Variants in HIVEP3 observed in about 807,000 individuals in gnomAD.
HIVEP3 encodes the protein HIVEP zinc finger 3, also known as transcription factor HIVEP3.
HIVEP3 carries 49 observed loss-of-function variants against 152.8 expected under a neutral mutation model. That is an observed-to-expected ratio of 0.32 (90% confidence interval 0.26 to 0.41). HIVEP3 has a LOEUF of 0.41. Among genes scored for constraint, HIVEP3 ranks in the 10% least tolerant of loss-of-function variants. HIVEP3 has a pLI of 1.00. For missense variants in HIVEP3, 2,790 were observed against 3,103.3 expected (o/e 0.90, Z 2.40); for synonymous variants, 1,269 against 1,289.0 (o/e 0.98, Z 0.33).
At chr1:41,633,192 C>T (rs1320014522) in intron 2 of HIVEP3, among the ~76,000 whole-genome samples, 1 of 152,140 alleles carries the variant, frequency 6.6e-6, no homozygotes, top group Non-Finnish European at 1.5e-5. Context: ...ATTTATCTCC[C>T]TCTTCTCCCC....
At chr1:41,521,342 T>C (rs1642754674) in intron 6 of HIVEP3, among the ~76,000 whole-genome samples, 1 of 152,180 alleles carries the variant, frequency 6.6e-6, no homozygotes. Context: ...TGAAATGGTT[T>C]TACCTTTCTC....
chr1:41,941,558 C>T (rs4660586), intron 1 of HIVEP3, among the ~76,000 whole-genome samples: 120,210 of 152,106 alleles, frequency 0.79, 48,053 homozygotes, highest in East Asian at 0.96. Context: ...AAGGACATGG[C>T]TTGAGAATAA....
At chr1:41,544,993 TCG>T (rs1643691941) in intron 5 of HIVEP3, among the ~76,000 whole-genome samples, 1 of 23,348 alleles carries the variant, frequency 4.3e-5, no homozygotes, top group Non-Finnish European at 8.8e-5. Flanking sequence ...GCCACCACCA[TCG>T]CTACCATCAC....
chr1:41,556,447 G>A (rs1471684526), intron 5 of HIVEP3, among the ~76,000 whole-genome samples: 1 of 152,152 alleles, frequency 6.6e-6, no homozygotes, highest in East Asian at 1.9e-4. Flanking sequence ...GTCCATTCAT[G>A]CTTTTTGGCT....
chr1:41,784,921 A>G (rs1256173706), intron 1 of HIVEP3, among the ~76,000 whole-genome samples: 1 of 152,266 alleles, frequency 6.6e-6, no homozygotes, highest in East Asian at 1.9e-4. Context: ...CTGGACCTAA[A>G]TGCCTGTCTC....
At chr1:41,971,696 A>G (rs1200439867) in intron 1 of HIVEP3, among the ~76,000 whole-genome samples, 1 of 152,224 alleles carries the variant, frequency 6.6e-6, no homozygotes, top group African/African-American at 2.4e-5. Flanking sequence ...AGGAAGCCCT[A>G]TTCTAAATCC....
chr1:41,758,908 G>C (rs1469005482), intron 1 of HIVEP3, among the ~76,000 whole-genome samples: 2 of 152,124 alleles, frequency 1.3e-5, no homozygotes, highest in African/African-American at 4.8e-5. Context: ...TGTGACCAAT[G>C]ACTCCCTCAC....
intron 2 of HIVEP3, among the ~76,000 whole-genome samples, chr1:41,651,975 A>G (rs1448756902): frequency 6.6e-6 from 1 of 152,240 alleles, no homozygotes; most frequent in African/African-American, 2.4e-5. Context: ...TTTTCTAACT[A>G]ATAGTTCTTT....
chr1:41,644,503 T>C (rs1645427650), intron 2 of HIVEP3, among the ~76,000 whole-genome samples: 1 of 152,168 alleles, frequency 6.6e-6, no homozygotes, highest in African/African-American at 2.4e-5. Context: ...CCAGAATAAT[T>C]CTTTCTAATT....
At chr1:41,630,525 CT>C (rs1645178884) in intron 2 of HIVEP3, among the ~76,000 whole-genome samples, 1 of 152,170 alleles carries the variant, frequency 6.6e-6, no homozygotes, top group African/African-American at 2.4e-5. Flanking sequence ...CCCTCACCGC[CT>C]TGAAGATGGA....
At chr1:41,944,000 A>G (rs968244153) in intron 1 of HIVEP3, among the ~76,000 whole-genome samples, 2 of 152,254 alleles carry the variant, frequency 1.3e-5, no homozygotes, top group Non-Finnish European at 2.9e-5. Flanking sequence ...CAGTGTGCTG[A>G]GTTAAATAAG....
At chr1:41,941,273 G>A (rs1325571981) in intron 1 of HIVEP3, among the ~76,000 whole-genome samples, 2 of 152,172 alleles carry the variant, frequency 1.3e-5, no homozygotes, top group East Asian at 1.9e-4. Context: ...AGTTGATGTC[G>A]TCAGGTTTGT....
intron 5 of HIVEP3, chr1:41,544,285 C>A (rs891015176): frequency 2.6e-5 from 4 of 152,056 alleles, no homozygotes; most frequent in African/African-American, 9.7e-5. Flanking sequence ...CCAGGACCTC[C>A]TCATCCTTAC....
chr1:41,828,867 T>C (rs147093142), intron 1 of HIVEP3, among the ~76,000 whole-genome samples: 2,504 of 152,368 alleles, frequency 0.016, 39 homozygotes, highest in Non-Finnish European at 0.021. Context: ...TAAAGTCTAG[T>C]TCATGGCATG....
At chr1:41,947,683 C>T (rs1645082805) in intron 1 of HIVEP3, among the ~76,000 whole-genome samples, 1 of 152,158 alleles carries the variant, frequency 6.6e-6, no homozygotes, top group Non-Finnish European at 1.5e-5. Flanking sequence ...TTATATGTCA[C>T]AGGAAAAACA....
At chr1:41,570,205 G>T (rs1189781165) in intron 5 of HIVEP3, among the ~76,000 whole-genome samples, 1 of 152,188 alleles carries the variant, frequency 6.6e-6, no homozygotes, top group Non-Finnish European at 1.5e-5. Context: ...GGCGATGATG[G>T]GACTCACTGA....
chr1:41,553,886 C>A (rs535791775), intron 5 of HIVEP3, among the ~76,000 whole-genome samples: 1 of 152,294 alleles, frequency 6.6e-6, no homozygotes, highest in East Asian at 1.9e-4. Context: ...GATAGGCTTC[C>A]CTTTGCGGGT....
chr1:41,557,002 T>C (rs1185430420), intron 5 of HIVEP3, among the ~76,000 whole-genome samples: 1 of 152,232 alleles, frequency 6.6e-6, no homozygotes, highest in Non-Finnish European at 1.5e-5. Context: ...TTCTGTCTTG[T>C]GTCAGTACCA....
In HIVEP3 at chr1:41,897,938, G is replaced by GGAGAGAGA. The variant is rs71065103; in HGVS notation, c.-801+20467_-801+20474dup. Reference sequence around the variant, plus strand: ...GTAGAAGGAAAGACCTGAGAGAGAGGGAGAGAGAGAGAGAGAGAGAGAGAG... The same window carrying GGAGAGAGA: ...GTAGAAGGAAAGACCTGAGAGAGAGGGAGAGAGAGAGAGAGAGAGAGAGAGAGAGAGAG... On this transcript the variant is annotated intron_variant, in intron 1 of 8. Transcript: ENST00000372583. Among the ~76,000 whole-genome samples, 397 of 130,014 alleles carry GGAGAGAGA rather than the reference G, an allele frequency of 3.1e-3. 7 individuals carry two copies. Among genetic ancestry groups the GGAGAGAGA allele is most frequent in the South Asian group, 0.013 (50 of 3,894 alleles). The allele number at this position is 130,014 out of a possible 152,430, so 85.3% of individuals were successfully genotyped here.
Sources: gnomAD v4.1 joint callset for allele counts (sites outside exome capture counted in the v4.1 genomes callset) on GRCh38, gnomAD v4.1.1 for gene constraint, MANE v1.5 for transcripts, NCBI Gene and HGNC (gene_info 2026-07-23, HGNC 2026-07-21) for gene names.